PARP12: variants seen among roughly 807,000 people sequenced by gnomAD.
The protein encoded by PARP12 is poly(ADP-ribose) polymerase family member 12, also known as protein mono-ADP-ribosyltransferase PARP12.
In PARP12, 59 loss-of-function variants were observed where a neutral mutation model predicts 72.4. The ratio of observed to expected loss-of-function variants is 0.81; its 90% CI spans 0.66 to 1.01. PARP12 has a LOEUF of 1.01. Among genes scored for constraint, PARP12 ranks in the 50% least tolerant of loss-of-function variants. PARP12 has a pLI of 0.00. For missense variants in PARP12, 851 were observed against 914.0 expected (o/e 0.93, Z 0.89); for synonymous variants, 403 against 371.4 (o/e 1.09, Z -0.98).
chr7:140,028,808 A>C, intron 8 of PARP12, 120 bp from the exon 9 acceptor site: 4 of 795,614 alleles, frequency 5.0e-6, no homozygotes, highest in Non-Finnish European at 7.9e-6. Context: ...ATATTTCAAG[A>C]GCAGGTAGAA....
At position 140,062,947 on chromosome 7, in the gene PARP12, G is replaced by C; in HGVS notation, c.-100C>G. ...TCTCGCAGGGTGGAGACGCCGGCGGGAAACGAAACCGAAAGCGGCCCCGGG... is the reference window on the plus strand; with the variant it reads ...TCTCGCAGGGTGGAGACGCCGGCGGCAAACGAAACCGAAAGCGGCCCCGGG... On this transcript the variant is annotated 5_prime_UTR_variant, in exon 1 of 12. Coordinates refer to ENST00000263549, the MANE Select transcript of PARP12 (RefSeq NM_022750.4). 1 of 1,009,416 alleles carries C rather than the reference G, an allele frequency of 9.9e-7. No individual in the cohort carries two copies. Among genetic ancestry groups the C allele is most frequent in the Non-Finnish European group, 1.2e-6 (1 of 803,266 alleles). 62.5% of individuals were successfully genotyped at this position (1,009,416 alleles called of 1,614,324 possible).
chr7:140,056,531 GGT>G (rs1469791201), intron 3 of PARP12, among the ~76,000 whole-genome samples: 1 of 152,106 alleles, frequency 6.6e-6, no homozygotes, highest in African/African-American at 2.4e-5. Flanking sequence ...CTCTCGTGGG[GGT>G]GAAGATAGGG....
intron 7 of PARP12, among the ~76,000 whole-genome samples, chr7:140,037,402 T>C (rs1816250500): frequency 6.6e-6 from 1 of 152,254 alleles, no homozygotes; most frequent in South Asian, 2.1e-4. Flanking sequence ...CGGACACCTG[T>C]CAGGGACTCA....
chr7:140,061,452 T>TACACAC (rs143130780), intron 1 of PARP12, among the ~76,000 whole-genome samples: 11 of 151,264 alleles, frequency 7.3e-5, no homozygotes, highest in African/African-American at 2.2e-4. Context: ...AAGACAAACA[T>TACACAC]ACACACACAC....
At chr7:140,033,609 A>T in intron 8 of PARP12, 1 of 985,380 alleles carries the variant, frequency 1.0e-6, no homozygotes, top group South Asian at 4.7e-5. Context: ...CCCCAAGCCT[A>T]AAATAACACC....
chr7:140,053,526 A>G (rs1817050466), intron 4 of PARP12, among the ~76,000 whole-genome samples: 1 of 152,208 alleles, frequency 6.6e-6, no homozygotes, highest in South Asian at 2.1e-4. Flanking sequence ...TTACATGAGC[A>G]TATATACTTA....
chr7:140,059,369 C>A (rs1321093407), intron 1 of PARP12, among the ~76,000 whole-genome samples: 1 of 126,568 alleles, frequency 7.9e-6, no homozygotes, highest in Non-Finnish European at 1.8e-5. Context: ...TATACACACA[C>A]ACACACACAC....
intron 4 of PARP12, among the ~76,000 whole-genome samples, chr7:140,052,789 T>A (rs1008574498): frequency 6.7e-6 from 1 of 149,550 alleles, no homozygotes; most frequent in Non-Finnish European, 1.5e-5. Flanking sequence ...ATATAAAAAA[T>A]AGGCAAAAGA....
intron 7 of PARP12, 122 bp downstream of exon 7, chr7:140,037,593 T>C: frequency 7.2e-7 from 1 of 1,395,636 alleles, no homozygotes; most frequent in Non-Finnish European, 9.8e-7. Flanking sequence ...CCTGGTACCT[T>C]GCTTTTCTTT....
chr7:140,058,237 C>A (rs1817272708), intron 1 of PARP12, among the ~76,000 whole-genome samples: 1 of 152,158 alleles, frequency 6.6e-6, no homozygotes, highest in Non-Finnish European at 1.5e-5. Context: ...TTTGGCTAAG[C>A]ACGGTGGCTC....
rs1194735149 is a variant in PARP12 at position 140,046,799 on chromosome 7, A to T, written c.986+85T>A. 53 of 868,818 alleles carry T rather than the reference A, an allele frequency of 6.1e-5. 2 individuals carry two copies. The highest frequency in any genetic ancestry group is 3.2e-4 in the Admixed American group (8 of 25,394). 53.8% of individuals were successfully genotyped at this position (868,818 alleles called of 1,614,324 possible). A position where few individuals can be genotyped will look rare whatever the true frequency, so the allele number is the denominator to read the frequency against. On this transcript the variant is annotated intron_variant, in intron 5 of 11. Transcript: ENST00000263549. ...GGCACCTCCAGACTAGGCTGCTCAC[A>T]GTGTGTGTGTGTGTGTGTGTGTGTG...
chr7:140,055,548 T>C (rs926649650), intron 3 of PARP12, among the ~76,000 whole-genome samples: 1 of 152,222 alleles, frequency 6.6e-6, no homozygotes, highest in African/African-American at 2.4e-5. Flanking sequence ...TTCCCTTTTC[T>C]TTTTATAAGC....
chr7:140,045,825 T>C (rs943618259), intron 5 of PARP12, among the ~76,000 whole-genome samples: 1 of 152,216 alleles, frequency 6.6e-6, no homozygotes, highest in East Asian at 1.9e-4. Flanking sequence ...GTGCTTCCTC[T>C]GCCGGGAAGT....
chr7:140,035,660 A>C (rs1816120213), intron 7 of PARP12, among the ~76,000 whole-genome samples: 1 of 152,208 alleles, frequency 6.6e-6, no homozygotes, highest in Admixed American at 6.5e-5. Context: ...CTAAACCTTC[A>C]GAACAACTCA....
chr7:140,044,541 G>A (rs1263157804), intron 5 of PARP12, among the ~76,000 whole-genome samples: 1 of 152,166 alleles, frequency 6.6e-6, no homozygotes, highest in African/African-American at 2.4e-5. Flanking sequence ...GCAAGGCCCT[G>A]CTAACACCTT....
chr7:140,057,598 G>T, intron 2 of PARP12: 1 of 422,798 alleles, frequency 2.4e-6, no homozygotes, highest in Non-Finnish European at 4.2e-6. Context: ...TCTTAGAGAA[G>T]GCCAAATACC....
In PARP12 at chr7:140,041,752, G is replaced by A. The variant is rs775157847; in HGVS notation, c.1074C>T (p.Arg358=). The A allele has an allele frequency of 6.2e-7, 1 of 1,614,018 alleles. No homozygotes were observed. Among genetic ancestry groups the A allele is most frequent in the African/African-American group, 1.3e-5 (1 of 74,896 alleles). ...TGGTGACAGAGGAGGCCGTGGAGAG[G>A]CGGCGAGCCTGGGTAGCACCGTAAG... ...AMTYGATQAR[R]LSTASSVTKP... is the part of the protein sequence containing the mutation. Residue 358 remains arginine (R), a synonymous_variant, in exon 6 of 12, where the codon CGC becomes CGT. Transcript: ENST00000263549.
chr7:140,062,106 G>A (rs1817478195), intron 1 of PARP12, among the ~76,000 whole-genome samples: 1 of 151,994 alleles, frequency 6.6e-6, no homozygotes, highest in Non-Finnish European at 1.5e-5. Flanking sequence ...TAATAGGGTT[G>A]AACTGGGTTT....
In PARP12 at chr7:140,034,267, C is replaced by T. The variant is rs1816062390; in HGVS notation, c.1389G>A (p.Val463=). The change falls in exon 8 of 12, where the codon GTG becomes GTA. Residue 463 remains valine (V), a synonymous_variant. Coordinates refer to ENST00000263549, the MANE Select transcript of PARP12 (RefSeq NM_022750.4). ...TKKVCRRPKY[V]SPQDVTTMQT... ...GCATGGTCGTCACATCCTGGGGAGA[C>T]ACGTATTTGGGTCTGCGGCAAACCT... 2 of 1,613,204 alleles carry T rather than the reference C, an allele frequency of 1.2e-6. No homozygotes were observed. The highest frequency in any genetic ancestry group is 1.7e-5 in the Admixed American group (1 of 59,982).
Sources: gnomAD v4.1 joint callset for allele counts (sites outside exome capture counted in the v4.1 genomes callset) on GRCh38, gnomAD v4.1.1 for gene constraint, MANE v1.5 for transcripts, NCBI Gene and HGNC (gene_info 2026-07-23, HGNC 2026-07-21) for gene names.